Variants in FSIP1 observed in about 807,000 individuals in gnomAD.
The protein encoded by FSIP1 is fibrous sheath interacting protein 1.
FSIP1 carries 65 observed loss-of-function variants against 60.9 expected under a neutral mutation model. That is an observed-to-expected ratio of 1.07 (90% CI 0.87 to 1.31). The LOEUF (loss-of-function observed/expected upper bound fraction) is 1.31, where lower values mean the gene tolerates loss of function less well. Among genes scored for constraint, FSIP1 ranks in the 40% most tolerant of loss-of-function variants. FSIP1 has a pLI of 0.00. For synonymous variants in FSIP1, 209 were observed against 221.2 expected, an observed-to-expected ratio of 0.94 and a Z score of 0.49; for missense variants, 675 against 665.5, an observed-to-expected ratio of 1.01 and a Z score of -0.16.
At position 39,749,263 on chromosome 15, in the gene FSIP1, C is replaced by A. The variant is rs1458069987; in HGVS notation, c.560-7363G>T. Among the ~76,000 whole-genome samples the A allele has an allele frequency of 5.1e-4, 50 of 98,304 alleles. 1 individual carries two copies. Among genetic ancestry groups the A allele is most frequent in the Middle Eastern group, 0.01 (2 of 196 alleles). 64.5% of individuals were successfully genotyped at this position (98,304 alleles called of 152,430 possible). The stretch of plus-strand genomic sequence containing the variant: ...AATACCAATACTTCTTAAACTCTTC[C>A]AAAAAAAAAAAAACCAGGCTAGAGG... On this transcript the variant is annotated intron_variant, in intron 5 of 11. Coordinates refer to ENST00000350221, the MANE Select transcript of FSIP1 (RefSeq NM_152597.5).
At chr15:39,638,261 C>T (rs750570196) in intron 10 of FSIP1, among the ~76,000 whole-genome samples, 23 of 152,292 alleles carry the variant, frequency 1.5e-4, no homozygotes, top group Non-Finnish European at 2.6e-4. Context: ...TCACACTTCC[C>T]GTTAAGCATG....
rs370647325 is a variant in FSIP1, at chr15:39,644,827, AG to A, written c.1189-26583del. 3.8e-3 allele frequency among the ~76,000 whole-genome samples: 572 copies of A among 152,330 alleles called. 4 individuals are homozygous for A. Among genetic ancestry groups the A allele is most frequent in the African/African-American group, 0.013 (547 of 41,578 alleles). ...AAATTCCAAGGCCGGCTGCCATCAA[AG>A]GTTGAGAAAATAAAATGATTTAATT... is the stretch of plus-strand genomic sequence containing the variant. On this transcript the variant is annotated intron_variant, in intron 10 of 11. Transcript: ENST00000350221.
At chr15:39,730,104 G>GA (rs74645697) in intron 8 of FSIP1, among the ~76,000 whole-genome samples, 87 of 140,922 alleles carry the variant, frequency 6.2e-4, no homozygotes, top group Admixed American at 2.2e-3. Context: ...GGCCTTACCA[G>GA]AAAAAAAAAA....
intron 10 of FSIP1, among the ~76,000 whole-genome samples, chr15:39,705,994 T>C (rs1466901264): frequency 3.4e-5 from 2 of 58,482 alleles, no homozygotes; most frequent in Non-Finnish European, 5.0e-5. Flanking sequence ...TGAGACTCGG[T>C]CTCAAAAAAA....
intron 8 of FSIP1, among the ~76,000 whole-genome samples, chr15:39,730,888 C>T (rs991421156): frequency 6.6e-6 from 1 of 152,164 alleles, no homozygotes; most frequent in Non-Finnish European, 1.5e-5. Context: ...TTCCTAAAGC[C>T]ATGTTTATGG....
At chr15:39,769,581 C>G (rs1369595431) in intron 3 of FSIP1, among the ~76,000 whole-genome samples, 1 of 152,214 alleles carries the variant, frequency 6.6e-6, no homozygotes, top group Non-Finnish European at 1.5e-5. Context: ...TTCAACACAA[C>G]CTCAAACTTC....
chr15:39,763,162 A>C (rs1306280653), intron 5 of FSIP1, among the ~76,000 whole-genome samples: 2 of 152,212 alleles, frequency 1.3e-5, no homozygotes, highest in Non-Finnish European at 2.9e-5. Context: ...CTCCGTAACG[A>C]AACAGAAGAT....
At chr15:39,644,365 G>A (rs1269317904) in intron 10 of FSIP1, among the ~76,000 whole-genome samples, 1 of 152,142 alleles carries the variant, frequency 6.6e-6, no homozygotes, top group Non-Finnish European at 1.5e-5. Flanking sequence ...CTGCAAATGA[G>A]AAGACCTTTC....
rs753522451 is a variant in FSIP1 at position 39,718,251 on chromosome 15, T to C, written c.1051-4670A>G. On this transcript the variant is annotated intron_variant, in intron 9 of 11. Transcript: ENST00000350221. ...ATAGATATAGATACAGATATAGATATACACACACACACATATATATACACA... is the reference window on the plus strand; with the variant it reads ...ATAGATATAGATACAGATATAGATACACACACACACACATATATATACACA... Among the ~76,000 whole-genome samples the C allele has an allele frequency of 5.5e-4, 83 of 151,676 alleles. 1 individual carries two copies. The highest frequency in any genetic ancestry group is 6.8e-4 in the Non-Finnish European group (46 of 67,968).
Position 39,617,824 on chromosome 15 carries a change from AAGG to A in FSIP1, c.1607_1609del (p.Ser536del), listed in dbSNP as rs773495377. 237 of 1,614,118 alleles carry A rather than the reference AAGG, an allele frequency of 1.5e-4. No individual in the cohort carries two copies. In the Admixed American group the frequency reaches 3.9e-3, roughly 27 times the overall value. ...GATACCATACAGTGGATCATCTAAG[AAGG>A]AGGGCCTTTTCAGTCTCCCAATGCC... On this transcript the variant is annotated inframe_deletion, in exon 11 of 12. Transcript: ENST00000350221.
chr15:39,625,480 C>T (rs1271005040), intron 10 of FSIP1, among the ~76,000 whole-genome samples: 2 of 152,144 alleles, frequency 1.3e-5, no homozygotes, highest in African/African-American at 2.4e-5. Context: ...GGTGACTTTG[C>T]TTTCTAACAG....
chr15:39,746,859 G>A (rs1311293236), intron 5 of FSIP1, among the ~76,000 whole-genome samples: 2 of 152,114 alleles, frequency 1.3e-5, no homozygotes, highest in African/African-American at 4.8e-5. Context: ...GAAATAAGGA[G>A]AGATGATAAG....
Position 39,625,873 on chromosome 15 carries a change from T to C in FSIP1, c.1189-7628A>G, listed in dbSNP as rs530927897. ...CCTACTCCGGGAAGTAGATCCAGTT[T>C]GTTACTTTAGAGCAGCTAGCTCCCA... On this transcript the variant is annotated intron_variant, in intron 10 of 11. Coordinates refer to ENST00000350221, the MANE Select transcript of FSIP1 (RefSeq NM_152597.5). Among the ~76,000 whole-genome samples, 7 of 152,330 alleles carry C rather than the reference T, an allele frequency of 4.6e-5. No individual in the cohort carries two copies. The South Asian group carries it at 1.4e-3, about 32-fold the overall frequency.
chr15:39,651,035 GGAGTCCCA>G (rs1892846346), intron 10 of FSIP1, among the ~76,000 whole-genome samples: 1 of 152,186 alleles, frequency 6.6e-6, no homozygotes, highest in South Asian at 2.1e-4. Flanking sequence ...CTGGTCAGAT[GGAGTCCCA>G]GAGGGCATGG....
chr15:39,659,245 A>T (rs1266978690), intron 10 of FSIP1, among the ~76,000 whole-genome samples: 3 of 152,108 alleles, frequency 2.0e-5, no homozygotes, highest in African/African-American at 7.2e-5. Context: ...CTCTGTGAGT[A>T]CAGTAAAAAA....
intron 11 of FSIP1, among the ~76,000 whole-genome samples, chr15:39,614,827 C>G (rs1432778971): frequency 2.0e-5 from 3 of 152,034 alleles, no homozygotes; most frequent in Admixed American, 1.3e-4. Context: ...ACAATAGACC[C>G]TGAATAGCCA....
chr15:39,772,046 C>T (rs562213544), intron 2 of FSIP1, among the ~76,000 whole-genome samples: 1 of 152,298 alleles, frequency 6.6e-6, no homozygotes, highest in East Asian at 1.9e-4. Flanking sequence ...AGACCTTTCA[C>T]ATCCATCATC....
At chr15:39,694,777 G>A (rs1337535046) in intron 10 of FSIP1, among the ~76,000 whole-genome samples, 1 of 151,690 alleles carries the variant, frequency 6.6e-6, no homozygotes, top group Non-Finnish European at 1.5e-5. Context: ...TCCAGCCAGT[G>A]AGACTCCGTC....
intron 9 of FSIP1, among the ~76,000 whole-genome samples, chr15:39,721,161 C>G (rs1197717619): frequency 6.6e-6 from 1 of 152,230 alleles, no homozygotes; most frequent in Admixed American, 6.5e-5. Context: ...TCCTTCATCT[C>G]TGAGCCACAT....
Sources: allele counts gnomAD v4.1 joint callset (sites outside exome capture counted in the v4.1 genomes callset), GRCh38; gene constraint gnomAD v4.1.1; transcripts MANE v1.5; gene names NCBI Gene and HGNC (gene_info 2026-07-23, HGNC 2026-07-21).